MUSK: variants seen among roughly 807,000 people sequenced by gnomAD.
MUSK encodes muscle, skeletal receptor tyrosine-protein kinase.
A neutral mutation model predicts 88.7 loss-of-function variants in MUSK; 55 were observed. That is an observed-to-expected ratio of 0.62 (90% confidence interval 0.50 to 0.78). The LOEUF (loss-of-function observed/expected upper bound fraction) is 0.78. MUSK is among the 30% of genes least tolerant of loss of function. The probability of loss-of-function intolerance (pLI) is 0.00; values close to 1 mark genes in which losing one functional copy is unlikely to be tolerated. For missense variants in MUSK, 1,015 were observed against 1,074.3 expected (o/e 0.94, Z 0.77); for synonymous variants, 387 against 391.9 (o/e 0.99, Z 0.15).
At chr9:110,732,726 T>C (rs1304956292) in intron 5 of MUSK, among the ~76,000 whole-genome samples, 1 of 152,132 alleles carries the variant, frequency 6.6e-6, no homozygotes, top group Non-Finnish European at 1.5e-5. Context: ...AAACATTTGA[T>C]AGCATTCTTT....
chr9:110,780,790 C>A (rs1051546170), intron 11 of MUSK, among the ~76,000 whole-genome samples: 3 of 151,984 alleles, frequency 2.0e-5, no homozygotes, highest in Admixed American at 6.6e-5. Context: ...TCCCTTTATC[C>A]GTGATATCTG....
intron 9 of MUSK, among the ~76,000 whole-genome samples, chr9:110,771,847 T>C (rs1048738829): frequency 5.3e-5 from 8 of 152,262 alleles, no homozygotes; most frequent in African/African-American, 1.7e-4. Flanking sequence ...TGTAGTTTAT[T>C]CCAATTTTGT....
intron 6 of MUSK, among the ~76,000 whole-genome samples, chr9:110,735,032 A>T (rs1352818884): frequency 6.6e-6 from 1 of 152,138 alleles, no homozygotes; most frequent in Non-Finnish European, 1.5e-5. Flanking sequence ...GTCAAATGCC[A>T]TGCAGAAAAA....
At chr9:110,749,737 G>C (rs908345102) in intron 7 of MUSK, among the ~76,000 whole-genome samples, 3 of 152,160 alleles carry the variant, frequency 2.0e-5, no homozygotes, top group African/African-American at 7.2e-5. Flanking sequence ...AAAGGGAAGA[G>C]GAGAGATGCA....
At chr9:110,742,179 G>A (rs10817089) in intron 6 of MUSK, among the ~76,000 whole-genome samples, 20,615 of 152,116 alleles carry the variant, frequency 0.14, 1,671 homozygotes, top group East Asian at 0.31. Context: ...AGACTGGGCC[G>A]GGTGCGGTGA....
intron 13 of MUSK, 102 bp downstream of exon 13, chr9:110,785,820 A>C (rs1375033534): frequency 7.7e-6 from 5 of 648,956 alleles, no homozygotes; most frequent in Non-Finnish European, 1.2e-5. Context: ...CTTTATATAT[A>C]TATACACACA....
intron 14 of MUSK, among the ~76,000 whole-genome samples, chr9:110,788,558 G>C (rs573648889): frequency 2.8e-4 from 42 of 151,876 alleles, no homozygotes; most frequent in Admixed American, 6.6e-4. Flanking sequence ...CTTACACCGG[G>C]GGGGCAGAGG....
chr9:110,705,181 T>G (rs2076581296), intron 5 of MUSK, among the ~76,000 whole-genome samples: 1 of 152,186 alleles, frequency 6.6e-6, no homozygotes, highest in Non-Finnish European at 1.5e-5. Context: ...TGAATCTTTC[T>G]GTTCATTAGT....
chr9:110,689,168 A>G (rs1298528711), intron 3 of MUSK, among the ~76,000 whole-genome samples: 3 of 100,144 alleles, frequency 3.0e-5, no homozygotes, highest in Admixed American at 2.3e-4. Context: ...ATATAAATAA[A>G]CTATATATTT....
intron 8 of MUSK, among the ~76,000 whole-genome samples, chr9:110,764,610 G>GATAA (rs1365463622): frequency 1.4e-5 from 1 of 72,132 alleles, no homozygotes; most frequent in Non-Finnish European, 3.3e-5. Context: ...AGATTAGATA[G>GATAA]ATAGATAGAT....
rs1431930582 is a variant in MUSK, at chr9:110,805,481, G to C, written c.*4493G>C. Among the ~76,000 whole-genome samples, 2 of 151,792 alleles carry C rather than the reference G, an allele frequency of 1.3e-5. No individual in the cohort carries two copies. The highest frequency in any genetic ancestry group is 3.8e-4 in the East Asian group (2 of 5,200). ...TTTGAGGATACTTGATTGGTGATTT[G>C]CCTCCTACTATTATTTTTCTACTGG... On this transcript the variant is annotated 3_prime_UTR_variant, in exon 15 of 15. Transcript: ENST00000374448.
At chr9:110,680,103 A>G (rs1337162882) in intron 1 of MUSK, among the ~76,000 whole-genome samples, 1 of 152,060 alleles carries the variant, frequency 6.6e-6, no homozygotes, top group Non-Finnish European at 1.5e-5. Flanking sequence ...AGTGGTAAAC[A>G]CTCTCAATAT....
intron 5 of MUSK, among the ~76,000 whole-genome samples, chr9:110,725,299 G>T (rs192834540): frequency 6.6e-6 from 1 of 151,954 alleles, no homozygotes; most frequent in Admixed American, 6.6e-5. Flanking sequence ...TACATATTAC[G>T]TACAGTTTCA....
At chr9:110,790,391 GA>G (rs1482575821) in intron 14 of MUSK, among the ~76,000 whole-genome samples, 1 of 152,174 alleles carries the variant, frequency 6.6e-6, no homozygotes, top group Non-Finnish European at 1.5e-5. Flanking sequence ...GGGGCAGAAA[GA>G]AGCATGCTTC....
In MUSK at chr9:110,787,724, A is replaced by G. The variant is rs758777089; in HGVS notation, c.1813A>G (p.Met605Val). ...PGLLPYEPFT[M>V]VAVKMLKEEA... Reference sequence around the variant, plus strand: ...CTTACTTCCCTATGAACCTTTCACTATGGTGGCAGTAAAGATGCTCAAAGA... The same window carrying G: ...CTTACTTCCCTATGAACCTTTCACTGTGGTGGCAGTAAAGATGCTCAAAGA... The change falls in exon 14 of 15, where the codon ATG becomes GTG. Residue 605 changes from methionine to valine, a missense_variant. Coordinates refer to ENST00000374448, the MANE Select transcript of MUSK (RefSeq NM_005592.4). The G allele has an allele frequency of 6.8e-6, 11 of 1,613,858 alleles. No individual in the cohort carries two copies. The highest frequency in any genetic ancestry group is 1.3e-5 in the African/African-American group (1 of 74,926).
At chr9:110,784,662 T>A (rs2077821409) in intron 11 of MUSK, among the ~76,000 whole-genome samples, 153 bp from the exon 12 acceptor site, 1 of 152,192 alleles carries the variant, frequency 6.6e-6, no homozygotes, top group Non-Finnish European at 1.5e-5. Context: ...TACTTACAAC[T>A]AGACCTTACT....
At chr9:110,799,889 C>T (rs1363324996) in intron 14 of MUSK, among the ~76,000 whole-genome samples, 1 of 152,024 alleles carries the variant, frequency 6.6e-6, no homozygotes, top group Non-Finnish European at 1.5e-5. Flanking sequence ...GATGTTTAGG[C>T]AGAGAAATAG....
At chr9:110,754,733 T>C (rs1174699204) in intron 7 of MUSK, among the ~76,000 whole-genome samples, 3 of 152,246 alleles carry the variant, frequency 2.0e-5, no homozygotes, top group Admixed American at 1.3e-4. Context: ...CTGGAAGAAT[T>C]TTCCAGTGTT....
Position 110,774,858 on chromosome 9 carries a change from CAT to C in MUSK, c.1185-922_1185-921del, listed in dbSNP as rs143542195. Among the ~76,000 whole-genome samples, 1,086 of 124,282 alleles carry C rather than the reference CAT, an allele frequency of 8.7e-3. 10 individuals are homozygous for C. Among genetic ancestry groups the C allele is most frequent in the African/African-American group, 0.02 (663 of 32,572 alleles). 81.5% of individuals were successfully genotyped at this position (124,282 alleles called of 152,430 possible). On this transcript the variant is annotated intron_variant, in intron 9 of 14. Transcript: ENST00000374448. Reference sequence around the variant, plus strand: ...AGTATGAAAAAAGACACCATTGTGGCATATATATACACACACACACACACACA... The same window carrying C: ...AGTATGAAAAAAGACACCATTGTGGCATATATACACACACACACACACACA...
Sources: gnomAD v4.1 joint callset for allele counts (sites outside exome capture counted in the v4.1 genomes callset) on GRCh38, gnomAD v4.1.1 for gene constraint, MANE v1.5 for transcripts, NCBI Gene and HGNC (gene_info 2026-07-23, HGNC 2026-07-21) for gene names.